ZNF569: variants seen among roughly 807,000 people sequenced by gnomAD.
ZNF569 encodes the protein DNA-binding protein.
ZNF569 carries 38 observed loss-of-function variants against 56.3 expected under a neutral mutation model. The observed-to-expected ratio is 0.68, with a 90% CI of 0.52 to 0.88. ZNF569 has a LOEUF of 0.88. Ranked by LOEUF, ZNF569 falls within the 40% of genes least tolerant of loss-of-function variation. The probability of loss-of-function intolerance (pLI) is 0.00; values close to 1 mark genes in which losing one functional copy is unlikely to be tolerated. For missense variants in ZNF569, 666 were observed against 809.2 expected (o/e 0.82, Z 2.15); for synonymous variants, 241 against 262.9 (o/e 0.92, Z 0.81).
At chr19:37,454,132 G>A (rs2041636212) in intron 2 of ZNF569, among the ~76,000 whole-genome samples, 1 of 152,126 alleles carries the variant, frequency 6.6e-6, no homozygotes, top group Non-Finnish European at 1.5e-5. Context: ...TACACTGAGT[G>A]TACCCCAGGC....
rs1247070246 is a variant in ZNF569 at position 37,419,975 on chromosome 19, T to C, written c.239-5556A>G. On this transcript the variant is annotated intron_variant, in intron 5 of 5. Coordinates refer to ENST00000316950, the MANE Select transcript of ZNF569 (RefSeq NM_152484.3). The stretch of plus-strand genomic sequence containing the variant: ...TTTCTTTTTTCTTTTCTTTCTTTTT[T>C]TTTTTTTTTTTTTTTGAGACAGAGT... 2.6e-3 allele frequency among the ~76,000 whole-genome samples: 365 copies of C among 139,376 alleles called. 2 individuals carry two copies. The highest frequency in any genetic ancestry group is 0.025 in the South Asian group (106 of 4,188). The allele number at this position is 139,376 out of a possible 152,430, so 91.4% of individuals were successfully genotyped here.
At chr19:37,440,572 T>C (rs536179362) in intron 3 of ZNF569, among the ~76,000 whole-genome samples, 12 of 152,308 alleles carry the variant, frequency 7.9e-5, no homozygotes, top group African/African-American at 2.9e-4. Context: ...TAAATATGTA[T>C]GTGAATTTCA....
Position 37,412,517 on chromosome 19 carries a change from C to G in ZNF569, c.*80G>C. On this transcript the variant is annotated 3_prime_UTR_variant, in exon 6 of 6. Coordinates refer to ENST00000316950, the MANE Select transcript of ZNF569 (RefSeq NM_152484.3). ...TATCCCACATTCATAGTTTTCTACT[C>G]TGGAAGTGATCATGTAATGTGCAAT... 6.8e-7 allele frequency: 1 copy of G among 1,475,760 alleles called. No homozygotes were observed. 91.4% of individuals were successfully genotyped at this position (1,475,760 alleles called of 1,614,324 possible).
intron 5 of ZNF569, among the ~76,000 whole-genome samples, chr19:37,419,596 C>CAT (rs2040995264): frequency 6.6e-6 from 1 of 151,824 alleles, no homozygotes. Flanking sequence ...TGGTGGCAGG[C>CAT]GCCTGTAATC....
intron 3 of ZNF569, among the ~76,000 whole-genome samples, chr19:37,430,864 G>C (rs900065074): frequency 2.0e-5 from 3 of 152,240 alleles, no homozygotes; most frequent in African/African-American, 7.2e-5. Flanking sequence ...GGTTCTGAGA[G>C]AGAATCTGTG....
At chr19:37,420,565 T>C (rs1322364547) in intron 5 of ZNF569, among the ~76,000 whole-genome samples, 2 of 152,206 alleles carry the variant, frequency 1.3e-5, no homozygotes, top group Admixed American at 1.3e-4. Flanking sequence ...TCCTTATCCC[T>C]GCAATCACGA....
intron 5 of ZNF569, 151 bp from the exon 6 acceptor site, chr19:37,414,570 T>G: frequency 5.5e-6 from 7 of 1,262,138 alleles, no homozygotes; most frequent in African/African-American, 1.5e-5. Context: ...CATATATCTC[T>G]TATCTCTGAA....
Position 37,437,351 on chromosome 19 carries a change from T to C in ZNF569, c.15+7556A>G, listed in dbSNP as rs186385326. Reference sequence around the variant, plus strand: ...ATACCTCAATACAATAAAAGCCATATATGACAGACTCACAGCTAGTATCAT... The same window carrying C: ...ATACCTCAATACAATAAAAGCCATACATGACAGACTCACAGCTAGTATCAT... On this transcript the variant is annotated intron_variant, in intron 3 of 5. Transcript: ENST00000316950. 1.8e-3 allele frequency among the ~76,000 whole-genome samples: 274 copies of C among 152,268 alleles called. 1 individual carries two copies. The highest frequency in any genetic ancestry group is 3.6e-3 in the Non-Finnish European group (244 of 68,018).
chr19:37,442,315 C>T (rs1369260005), intron 3 of ZNF569, among the ~76,000 whole-genome samples: 1 of 152,130 alleles, frequency 6.6e-6, no homozygotes, highest in African/African-American at 2.4e-5. Context: ...AAGAACCAGT[C>T]ATATAAATAT....
At chr19:37,427,145 C>CCT (rs10643222) in intron 3 of ZNF569, among the ~76,000 whole-genome samples, 97,099 of 151,584 alleles carry the variant, frequency 0.64, 32,727 homozygotes, top group African/African-American at 0.86. Context: ...GTGGCGAAAC[C>CCT]GTCTGTACAA....
chr19:37,430,203 A>G (rs1284605507), intron 3 of ZNF569, among the ~76,000 whole-genome samples: 1 of 152,076 alleles, frequency 6.6e-6, no homozygotes, highest in Admixed American at 6.6e-5. Context: ...TCAAAAAAAA[A>G]AAAAAGAATA....
At position 37,412,507 on chromosome 19, in the gene ZNF569, G is replaced by GT; in HGVS notation, c.*89dup. On this transcript the variant is annotated 3_prime_UTR_variant, in exon 6 of 6. Coordinates refer to ENST00000316950, the MANE Select transcript of ZNF569 (RefSeq NM_152484.3). The stretch of plus-strand genomic sequence containing the variant: ...TTCAGAAGGCTATCCCACATTCATA[G>GT]TTTTCTACTCTGGAAGTGATCATGT... 7.0e-7 allele frequency: 1 copy of GT among 1,430,170 alleles called. No homozygotes were observed. 88.6% of individuals were successfully genotyped at this position (1,430,170 alleles called of 1,614,324 possible).
intron 2 of ZNF569, among the ~76,000 whole-genome samples, chr19:37,462,234 T>A (rs2041767844): frequency 6.6e-6 from 1 of 152,156 alleles, no homozygotes; most frequent in Admixed American, 6.5e-5. Context: ...GTGGTCAAGC[T>A]CCAAGCTCAG....
chr19:37,427,791 T>A lies in ZNF569; in HGVS notation c.16-1413A>T, dbSNP rs1302804643. The A allele has an allele frequency of 9.7e-6, 5 of 517,048 alleles. No homozygotes were observed. In the Admixed American group the frequency reaches 9.7e-5, roughly 10 times the overall value. The allele number at this position is 517,048 out of a possible 1,614,324, so 32.0% of individuals were successfully genotyped here. ...ATCCAGGGGTTTTTAATATTTCCCC[T>A]CATCTGGGAGGAAGATCCAAATAAG... On this transcript the variant is annotated intron_variant, in intron 3 of 5. Coordinates refer to ENST00000316950, the MANE Select transcript of ZNF569 (RefSeq NM_152484.3).
At chr19:37,432,884 A>C (rs1221178665) in intron 3 of ZNF569, among the ~76,000 whole-genome samples, 1 of 151,966 alleles carries the variant, frequency 6.6e-6, no homozygotes, top group Non-Finnish European at 1.5e-5. Context: ...TGCAACGGAC[A>C]AACTAAAGAA....
rs2040867440 is a variant in ZNF569, at chr19:37,413,158, A to C, written c.1500T>G (p.Gly500=). The C allele has an allele frequency of 1.2e-6, 2 of 1,607,862 alleles. No individual in the cohort carries two copies. The highest frequency in any genetic ancestry group is 1.7e-6 in the Non-Finnish European group (2 of 1,177,788). ...AGTTTTGCTTTTGGCTGAAGGCTTT[A>C]CCACATTCATTGCATTCATAGGGTT... is the stretch of plus-strand genomic sequence containing the variant. ...GEKPYECNEC[G]KAFSQKQNFI... Residue 500 remains glycine, a synonymous_variant, in exon 6 of 6, where the codon GGT becomes GGG. Coordinates refer to ENST00000316950, the MANE Select transcript of ZNF569 (RefSeq NM_152484.3).
At chr19:37,464,099 A>C (rs2146982831) in intron 2 of ZNF569, among the ~76,000 whole-genome samples, 1 of 152,360 alleles carries the variant, frequency 6.6e-6, no homozygotes, top group African/African-American at 2.4e-5. Flanking sequence ...TATAGTCAAC[A>C]GTAGAGTACA....
chr19:37,436,993 C>T (rs62110396), intron 3 of ZNF569, among the ~76,000 whole-genome samples: 21 of 139,486 alleles, frequency 1.5e-4, no homozygotes, highest in Non-Finnish European at 2.3e-4. Context: ...TACCCTGATA[C>T]GAAAACCAGA....
At chr19:37,420,684 T>A (rs1415160364) in intron 5 of ZNF569, among the ~76,000 whole-genome samples, 7 of 152,222 alleles carry the variant, frequency 4.6e-5, no homozygotes, top group Non-Finnish European at 1.0e-4. Flanking sequence ...TCCTTCAAAG[T>A]CATCCATGAG....
Sources: allele counts gnomAD v4.1 joint callset (sites outside exome capture counted in the v4.1 genomes callset), GRCh38; gene constraint gnomAD v4.1.1; transcripts MANE v1.5; gene names NCBI Gene and HGNC (gene_info 2026-07-23, HGNC 2026-07-21).